PCDH11Y: variants seen among roughly 807,000 people sequenced by gnomAD.
PCDH11Y encodes the protein protocadherin 11 Y-linked.
For synonymous variants in PCDH11Y, 9 were observed against 83.6 expected (o/e 0.11, Z 4.87); for missense variants, 12 against 224.8 (o/e 0.05, Z 6.05).
intron 2 of PCDH11Y, among the ~76,000 whole-genome samples, chrY:5,494,130 C>T (rs2053341573): frequency 3.0e-5 from 1 of 33,180 alleles, no homozygotes; most frequent in East Asian, 7.9e-4. Context: ...CTTTTTTTGA[C>T]TGATAATTAG....
chrY:5,416,793 T>A, intron 2 of PCDH11Y, among the ~76,000 whole-genome samples: 1 of 33,053 alleles, frequency 3.0e-5, no homozygotes, highest in South Asian at 6.9e-4. Flanking sequence ...TCCTCAGATG[T>A]CATGCTGGAA....
At chrY:5,459,182 G>C (rs2124683650) in intron 2 of PCDH11Y, among the ~76,000 whole-genome samples, 8 of 32,290 alleles carry the variant, frequency 2.5e-4, no homozygotes, top group African/African-American at 9.5e-4. Context: ...AAATTTTTCA[G>C]ATATTTCCAA....
At chrY:5,484,619 G>GT (rs1177608588) in intron 2 of PCDH11Y, among the ~76,000 whole-genome samples, 9 of 33,166 alleles carry the variant, frequency 2.7e-4, no homozygotes, top group Non-Finnish European at 5.2e-4. Flanking sequence ...TACTCTTAGG[G>GT]TTTTTCTGCT....
intron 2 of PCDH11Y, among the ~76,000 whole-genome samples, chrY:5,111,317 C>T: frequency 3.0e-5 from 1 of 33,571 alleles, no homozygotes; most frequent in Middle Eastern, 0.014. Context: ...AGGCTGTTCT[C>T]AAACTCCTGA....
chrY:5,032,179 C>T (rs2124621688), intron 2 of PCDH11Y, among the ~76,000 whole-genome samples: 1 of 33,706 alleles, frequency 3.0e-5, no homozygotes, highest in South Asian at 6.5e-4. Flanking sequence ...ATGTGATTGC[C>T]GTTCAAGGCA....
At chrY:5,327,253 A>C in intron 2 of PCDH11Y, among the ~76,000 whole-genome samples, 1 of 32,908 alleles carries the variant, frequency 3.0e-5, no homozygotes, top group South Asian at 6.9e-4. Flanking sequence ...GGTGCAAAGG[A>C]ACAGTAAAGA....
At chrY:5,268,386 A>C in intron 2 of PCDH11Y, among the ~76,000 whole-genome samples, 2 of 33,256 alleles carry the variant, frequency 6.0e-5, no homozygotes, top group Non-Finnish European at 1.5e-4. Flanking sequence ...CCACAGGCAT[A>C]ACTTTCTTGA....
At chrY:5,543,598 T>C (rs2124693302) in intron 3 of PCDH11Y, among the ~76,000 whole-genome samples, 1 of 34,154 alleles carries the variant, frequency 2.9e-5, no homozygotes, top group South Asian at 6.3e-4. Flanking sequence ...AAGGGTGAGC[T>C]ACCTTGGCCA....
At chrY:5,535,543 C>T in intron 3 of PCDH11Y, among the ~76,000 whole-genome samples, 1 of 33,520 alleles carries the variant, frequency 3.0e-5, no homozygotes, top group East Asian at 7.8e-4. Context: ...CAATTCCATC[C>T]TGGTTGCTGC....
At chrY:5,279,191 G>A (rs2053048383) in intron 2 of PCDH11Y, among the ~76,000 whole-genome samples, 1 of 30,762 alleles carries the variant, frequency 3.3e-5, no homozygotes, top group African/African-American at 1.3e-4. Context: ...ACCTGAGGTC[G>A]GGAGTTCGAG....
Position 5,093,093 on chromosome Y carries a change from C to T in PCDH11Y, c.637-5122C>T, listed in dbSNP as rs1387238393. On this transcript the variant is annotated intron_variant, in intron 1 of 1. Transcript: ENST00000215473. ...ACAAAATATATGGCTCTCTATTTGG[C>T]AATGAATATCCTTTATCAATTTTTT... 2.8e-3 allele frequency among the ~76,000 whole-genome samples: 90 copies of T among 32,524 alleles called. No individual in the cohort carries two copies. The East Asian group carries it at 0.073, about 26-fold the overall frequency. The allele number at this position is 32,524 out of a possible 37,273, so 87.3% of individuals were successfully genotyped here.
At chrY:5,320,588 C>T (rs2053111568) in intron 2 of PCDH11Y, among the ~76,000 whole-genome samples, 1 of 33,389 alleles carries the variant, frequency 3.0e-5, no homozygotes, top group African/African-American at 1.2e-4. Flanking sequence ...TATACTGTCA[C>T]AATTATTAAA....
At chrY:5,638,651 C>T (rs2053520603) in intron 4 of PCDH11Y, among the ~76,000 whole-genome samples, 3 of 29,781 alleles carry the variant, frequency 1.0e-4, no homozygotes, top group Admixed American at 3.1e-4. Flanking sequence ...ATTCTGGCAA[C>T]GTACTTAAGT....
At chrY:5,212,186 G>T (rs2052939407) in intron 2 of PCDH11Y, among the ~76,000 whole-genome samples, 1 of 32,701 alleles carries the variant, frequency 3.1e-5, no homozygotes, top group Non-Finnish European at 7.5e-5. Context: ...ATGGAAAAAT[G>T]CTTCATACAT....
intron 4 of PCDH11Y, among the ~76,000 whole-genome samples, chrY:5,613,932 T>A: frequency 3.7e-5 from 1 of 27,348 alleles, no homozygotes; most frequent in Non-Finnish European, 8.5e-5. Flanking sequence ...CATCAGGGGC[T>A]GAATAGTTGT....
chrY:5,688,078 T>C, intron 4 of PCDH11Y, among the ~76,000 whole-genome samples: 1 of 33,427 alleles, frequency 3.0e-5, no homozygotes. Flanking sequence ...TCTGAAGCAA[T>C]GTAAAATTTA....
chrY:5,342,202 G>GA (rs2053146328), intron 2 of PCDH11Y, among the ~76,000 whole-genome samples: 1 of 32,177 alleles, frequency 3.1e-5, no homozygotes, highest in Non-Finnish European at 7.5e-5. Flanking sequence ...ATACAGGAAG[G>GA]AAAAAAAATG....
chrY:5,475,105 C>T (rs2053317446), intron 2 of PCDH11Y, among the ~76,000 whole-genome samples: 1 of 32,216 alleles, frequency 3.1e-5, no homozygotes, highest in Non-Finnish European at 7.7e-5. Flanking sequence ...TAATATCATG[C>T]CATCTAAAAA....
intron 2 of PCDH11Y, among the ~76,000 whole-genome samples, chrY:5,440,177 A>G: frequency 2.9e-5 from 1 of 34,061 alleles, no homozygotes; most frequent in African/African-American, 1.1e-4. Context: ...AGTGGTTTAA[A>G]ATAACAACAA....
Sources: allele counts gnomAD v4.1 joint callset (sites outside exome capture counted in the v4.1 genomes callset), GRCh38; gene constraint gnomAD v4.1.1; transcripts MANE v1.5; gene names NCBI Gene and HGNC (gene_info 2026-07-23, HGNC 2026-07-21).